ELAC2: variants seen among roughly 807,000 people sequenced by gnomAD.
The protein encoded by ELAC2 is zinc phosphodiesterase ELAC protein 2.
A neutral mutation model predicts 105.2 loss-of-function variants in ELAC2; 92 were observed. The ratio of observed to expected loss-of-function variants is 0.87; its 90% CI spans 0.74 to 1.04. ELAC2 has a LOEUF of 1.04. Ranked by LOEUF, ELAC2 falls within the 50% of genes least tolerant of loss-of-function variation. The pLI is 0.00. For missense variants in ELAC2, 1,099 were observed against 1,071.7 expected, an observed-to-expected ratio of 1.03 and a Z score of -0.36; for synonymous variants, 468 against 409.1, an observed-to-expected ratio of 1.14 and a Z score of -1.74.
In ELAC2 at chr17:12,998,523, ATGTGAAACAATCCAT is replaced by A. The variant is rs1260101186; in HGVS notation, c.1424-30_1424-16del. 2 of 1,609,198 alleles carry A rather than the reference ATGTGAAACAATCCAT, an allele frequency of 1.2e-6. No individual in the cohort carries two copies. The highest frequency in any genetic ancestry group is 1.7e-6 in the Non-Finnish European group (2 of 1,175,670). ...ACTTCTTTTCTCTGTGAAAAAATCC[ATGTGAAACAATCCAT>A]TCCTTTGGGTCAAAAGTGAGCCAGC... On this transcript the variant is annotated splice_polypyrimidine_tract_variant and intron_variant, in intron 15 of 23. Transcript: ENST00000338034.
chr17:12,994,305 A>G, intron 22 of ELAC2, 120 bp downstream of exon 22: 1 of 1,142,084 alleles, frequency 8.8e-7, no homozygotes, highest in Non-Finnish European at 1.3e-6. Flanking sequence ...GGAAGCCCCC[A>G]TAGCCCTTGA....
At chr17:12,995,846 C>T (rs1019395007) in intron 18 of ELAC2, 34 bp from the exon 19 acceptor site, 3 of 1,590,298 alleles carry the variant, frequency 1.9e-6, no homozygotes, top group Non-Finnish European at 2.6e-6. Context: ...GACTCGACGA[C>T]AGAACATCTC....
At chr17:13,009,243 C>T (rs905417978) in intron 8 of ELAC2, among the ~76,000 whole-genome samples, 6 of 122,518 alleles carry the variant, frequency 4.9e-5, no homozygotes, top group African/African-American at 1.5e-4. Context: ...ATATTAACTA[C>T]TTACTTTCAT....
intron 14 of ELAC2, among the ~76,000 whole-genome samples, 172 bp downstream of exon 14, chr17:13,002,102 C>G (rs1048959481): frequency 2.0e-5 from 3 of 152,198 alleles, no homozygotes; most frequent in Non-Finnish European, 4.4e-5. Context: ...CACAGCCAAG[C>G]CCATTCATTA....
In ELAC2 at chr17:12,991,968, C is replaced by CCATTT. The variant is rs146587472; in HGVS notation, c.*845_*849dup. Among the ~76,000 whole-genome samples the CCATTT allele has an allele frequency of 5.3e-3, 811 of 152,240 alleles. 6 individuals are homozygous for CCATTT. The highest frequency in any genetic ancestry group is 0.018 in the African/African-American group (757 of 41,500). ...GGACAATGGAAACCAGCCCCGTGTG[C>CCATTT]CATTTCTCAAAACCTTCGAGGGCAA... On this transcript the variant is annotated 3_prime_UTR_variant, in exon 24 of 24. Coordinates refer to ENST00000338034, the MANE Select transcript of ELAC2 (RefSeq NM_018127.7).
At chr17:13,006,027 G>T in intron 8 of ELAC2, 48 bp from the exon 9 acceptor site, 1 of 1,572,438 alleles carries the variant, frequency 6.4e-7, no homozygotes, top group Non-Finnish European at 8.8e-7. Context: ...AATGAAGAAG[G>T]TTGGTTTTAA....
intron 3 of ELAC2, 37 bp from the exon 4 acceptor site, chr17:13,015,869 T>C (rs754258521): frequency 2.8e-5 from 43 of 1,558,464 alleles, no homozygotes; most frequent in Non-Finnish European, 3.6e-5. Context: ...TCTCATCAAT[T>C]TGACCTGTCG....
intron 6 of ELAC2, among the ~76,000 whole-genome samples, chr17:13,012,054 C>T (rs1381821056): frequency 6.6e-6 from 1 of 152,124 alleles, no homozygotes; most frequent in Non-Finnish European, 1.5e-5. Context: ...TGTAGACATG[C>T]TTATTTATTA....
At chr17:13,003,210 A>T (rs893702239) in intron 12 of ELAC2, among the ~76,000 whole-genome samples, 14 of 152,160 alleles carry the variant, frequency 9.2e-5, no homozygotes, top group Non-Finnish European at 1.9e-4. Flanking sequence ...CCTCAACCAA[A>T]CGGCAGTATT....
At chr17:12,996,120 C>T in intron 17 of ELAC2, 142 bp from the exon 18 acceptor site, 9 of 897,812 alleles carry the variant, frequency 1.0e-5, no homozygotes, top group Non-Finnish European at 1.4e-5. Context: ...GGGGGTGGCA[C>T]AGGCCGAGCC....
chr17:12,994,645 G>T (rs1011457495), intron 21 of ELAC2, 119 bp downstream of exon 21: 7 of 1,598,710 alleles, frequency 4.4e-6, no homozygotes, highest in Admixed American at 1.7e-5. Flanking sequence ...GAGACTCTGA[G>T]GGTGGGGACC....
intron 3 of ELAC2, among the ~76,000 whole-genome samples, 163 bp downstream of exon 3, chr17:13,016,699 G>A (rs1015828173): frequency 1.1e-4 from 16 of 145,258 alleles, no homozygotes; most frequent in African/African-American, 4.1e-4. Flanking sequence ...GGGATCACCT[G>A]AGCCCAGAAG....
In ELAC2 at chr17:12,994,821, C is replaced by T; in HGVS notation, c.1972G>A (p.Gly658Ser). 1 of 1,614,076 alleles carries T rather than the reference C, an allele frequency of 6.2e-7. No individual in the cohort carries two copies. Among genetic ancestry groups the T allele is most frequent in the Non-Finnish European group, 8.5e-7 (1 of 1,180,050 alleles). Reference sequence around the variant, plus strand: ...TCCCCGGAATAGACCACTTTCCAGCCAGAGGTGTGCACCAGCGCACAGCCA... The same window carrying T: ...TCCCCGGAATAGACCACTTTCCAGCTAGAGGTGTGCACCAGCGCACAGCCA... ...AFGCALVHTS[G>S]WKVVYSGDTM... is the part of the protein sequence containing the mutation. The change falls in exon 21 of 24, where the codon GGC (glycine) becomes AGC (serine). Residue 658 changes from glycine to serine, a missense_variant. Gly to Ser is a moderately conservative substitution (Grantham distance 56). Transcript: ENST00000338034.
chr17:12,998,354 T>C (rs1159101844), intron 16 of ELAC2, 58 bp downstream of exon 16: 10 of 1,531,996 alleles, frequency 6.5e-6, no homozygotes, highest in Non-Finnish European at 9.0e-6. Context: ...AGCAGGACTT[T>C]TGTTTAAAAA....
chr17:13,011,733 A>G lies in ELAC2; in HGVS notation c.609T>C (p.Pro203=). The stretch of plus-strand genomic sequence containing the variant: ...ATCGCTCTGGACTGAGCCTGCTGAG[A>G]GGCCTTTCTGGACTCTGCCATGGTT... The part of the protein sequence containing the change: ...KHQPWQSPER[P]LSRLSPERSS... Residue 203 remains proline, a synonymous_variant, in exon 7 of 24, where the codon CCT becomes CCC. Coordinates refer to ENST00000338034, the MANE Select transcript of ELAC2 (RefSeq NM_018127.7). 2 of 1,614,152 alleles carry G rather than the reference A, an allele frequency of 1.2e-6. No individual in the cohort carries two copies. Among genetic ancestry groups the G allele is most frequent in the Non-Finnish European group, 1.7e-6 (2 of 1,180,038 alleles).
intron 3 of ELAC2, 114 bp from the exon 4 acceptor site, chr17:13,015,946 G>T: frequency 1.2e-6 from 1 of 834,438 alleles, no homozygotes; most frequent in Non-Finnish European, 2.1e-6. Context: ...TCCAGCTTTG[G>T]AAGTACAACC....
chr17:12,991,848 C>CTTACT lies in ELAC2; in HGVS notation c.*965_*969dup, dbSNP rs1167229796. 7.5e-5 allele frequency among the ~76,000 whole-genome samples: 11 copies of CTTACT among 145,766 alleles called. No individual in the cohort carries two copies. Among genetic ancestry groups the CTTACT allele is most frequent in the African/African-American group, 2.5e-4 (10 of 40,020 alleles). On this transcript the variant is annotated 3_prime_UTR_variant, in exon 24 of 24. Transcript: ENST00000338034. Reference sequence around the variant, plus strand: ...TATACACAATAAATACTAGATTCAACTTACTTACTTACTTACTTACTTTAC... The same window carrying CTTACT: ...TATACACAATAAATACTAGATTCAACTTACTTTACTTACTTACTTACTTACTTTAC...
chr17:12,996,929 A>T (rs886386059), intron 16 of ELAC2, among the ~76,000 whole-genome samples: 7 of 149,930 alleles, frequency 4.7e-5, no homozygotes, highest in Non-Finnish European at 1.0e-4. Flanking sequence ...AGACTTACAC[A>T]AAGGCTGGGC....
At chr17:13,000,121 A>C (rs1339976457) in intron 15 of ELAC2, 35 bp downstream of exon 15, 7 of 1,592,202 alleles carry the variant, frequency 4.4e-6, no homozygotes, top group Non-Finnish European at 5.2e-6. Context: ...GGCAGAGCCC[A>C]GGAAAGAAAG....
Sources: gnomAD v4.1 joint callset for allele counts (sites outside exome capture counted in the v4.1 genomes callset) on GRCh38, gnomAD v4.1.1 for gene constraint, MANE v1.5 for transcripts, NCBI Gene and HGNC (gene_info 2026-07-23, HGNC 2026-07-21) for gene names.